Variants in LSM14A observed in about 807,000 individuals in gnomAD.
The protein encoded by LSM14A is LSM14A mRNA processing body assembly factor.
LSM14A carries 14 observed loss-of-function variants against 52.4 expected under a neutral mutation model. The ratio of observed to expected loss-of-function variants is 0.27; its 90% CI spans 0.18 to 0.42. LSM14A has a LOEUF of 0.42. Ranked by LOEUF, LSM14A falls within the 10% of genes least tolerant of loss-of-function variation. LSM14A has a pLI of 1.00. For missense variants in LSM14A, 417 were observed against 581.8 expected, an observed-to-expected ratio of 0.72 and a Z score of 2.91; for synonymous variants, 185 against 200.3, an observed-to-expected ratio of 0.92 and a Z score of 0.64.
Position 34,219,377 on chromosome 19 carries a change from C to G in LSM14A, c.782-14C>G. The G allele has an allele frequency of 6.3e-7, 1 of 1,591,092 alleles. No homozygotes were observed. The highest frequency in any genetic ancestry group is 8.6e-7 in the Non-Finnish European group (1 of 1,167,824). On this transcript the variant is annotated splice_polypyrimidine_tract_variant and intron_variant, in intron 6 of 9. Coordinates refer to ENST00000544216, the MANE Select transcript of LSM14A (RefSeq NM_015578.4). Reference sequence around the variant, plus strand: ...ATATTGAATGTCCTTTGTATATATTCTTTATTATCATAGCTCCAGGTGCTC... The same window carrying G: ...ATATTGAATGTCCTTTGTATATATTGTTTATTATCATAGCTCCAGGTGCTC...
rs370406890 is a variant in LSM14A, at chr19:34,215,237, G to A, written c.652G>A (p.Val218Ile). 5 of 1,614,092 alleles carry A rather than the reference G, an allele frequency of 3.1e-6. No homozygotes were observed. The highest frequency in any genetic ancestry group is 1.3e-5 in the African/African-American group (1 of 74,950). The change falls in exon 5 of 10, where the codon GTA becomes ATA. Residue 218 changes from valine (V) to isoleucine (I), a missense_variant. Val to Ile is a conservative substitution (Grantham distance 29). Coordinates refer to ENST00000544216, the MANE Select transcript of LSM14A (RefSeq NM_015578.4). The stretch of plus-strand genomic sequence containing the variant: ...AGCAGCTGTTGGGAGAAGGAGTCCT[G>A]TATCAACCAGGCCTTTGCCATCTGC... ...APAAVGRRSPVSTRPLPSASQ... is the reference protein window; with the variant it reads ...APAAVGRRSPISTRPLPSASQ...
At chr19:34,175,854 C>T (rs1053176660) in intron 1 of LSM14A, among the ~76,000 whole-genome samples, 1 of 146,152 alleles carries the variant, frequency 6.8e-6, no homozygotes, top group Non-Finnish European at 1.5e-5. Context: ...GTTTTGTTTT[C>T]GTTTTTTTTT....
chr19:34,215,054 T>A, intron 4 of LSM14A, 70 bp from the exon 5 acceptor site: 1 of 1,262,352 alleles, frequency 7.9e-7, no homozygotes, highest in Non-Finnish European at 1.1e-6. Flanking sequence ...CTCTGGACAA[T>A]TTTTTTTAGG....
At chr19:34,188,479 AATTAACCATT>A (rs2070101420) in intron 1 of LSM14A, among the ~76,000 whole-genome samples, 2 of 152,180 alleles carry the variant, frequency 1.3e-5, no homozygotes, top group Admixed American at 1.3e-4. Flanking sequence ...CATTACATGC[AATTAACCATT>A]ATATTGTGTA....
At chr19:34,198,449 A>G (rs995652433) in intron 3 of LSM14A, among the ~76,000 whole-genome samples, 33 of 151,802 alleles carry the variant, frequency 2.2e-4, no homozygotes, top group Admixed American at 1.8e-3. Flanking sequence ...CCCCATCTCT[A>G]CTAAAAATAC....
intron 3 of LSM14A, among the ~76,000 whole-genome samples, chr19:34,203,003 T>G (rs957544734): frequency 6.6e-6 from 1 of 152,132 alleles, no homozygotes; most frequent in Non-Finnish European, 1.5e-5. Flanking sequence ...GTGTAAGAGA[T>G]TAGATCATTA....
chr19:34,225,003 G>C (rs956289122), intron 9 of LSM14A, among the ~76,000 whole-genome samples: 1 of 152,070 alleles, frequency 6.6e-6, no homozygotes, highest in African/African-American at 2.4e-5. Flanking sequence ...GTGGCTATCT[G>C]CTTTCTTTGG....
chr19:34,202,532 A>T (rs958941813), intron 3 of LSM14A, among the ~76,000 whole-genome samples: 1 of 152,064 alleles, frequency 6.6e-6, no homozygotes, highest in Non-Finnish European at 1.5e-5. Context: ...TGAAAAACAT[A>T]CAAATTAAAT....
chr19:34,193,875 A>G (rs914932346), intron 1 of LSM14A, among the ~76,000 whole-genome samples: 18 of 152,220 alleles, frequency 1.2e-4, no homozygotes, highest in Admixed American at 9.8e-4. Context: ...GACATTAAAA[A>G]TAAGTTAACC....
chr19:34,183,555 A>T (rs139753832), intron 1 of LSM14A, among the ~76,000 whole-genome samples: 2,002 of 152,304 alleles, frequency 0.013, 16 homozygotes, highest in South Asian at 0.04. Context: ...TCTCAAAAAA[A>T]AAATAAATAA....
chr19:34,192,316 G>GTTTTTTTTTTTTTTT lies in LSM14A; in HGVS notation c.122-2160_122-2159insTTTTTTTTTTTTTTT, dbSNP rs1306000214. ...TTTACACTGAAATAACATTCTTTTT[G>GTTTTTTTTTTTTTTT]TTGTTTTTTTTTTTTTTTTTTTTTT... is the stretch of plus-strand genomic sequence containing the variant. On this transcript the variant is annotated intron_variant, in intron 1 of 9. Coordinates refer to ENST00000544216, the MANE Select transcript of LSM14A (RefSeq NM_015578.4). Among the ~76,000 whole-genome samples, 45 of 65,776 alleles carry GTTTTTTTTTTTTTTT rather than the reference G, an allele frequency of 6.8e-4. 1 individual carries two copies. The highest frequency in any genetic ancestry group is 8.1e-4 in the Non-Finnish European group (28 of 34,546). 43.2% of individuals were successfully genotyped at this position (65,776 alleles called of 152,430 possible). A position where few individuals can be genotyped will look rare whatever the true frequency, so the allele number is the denominator to read the frequency against.
chr19:34,190,930 A>C (rs1416314221), intron 1 of LSM14A, among the ~76,000 whole-genome samples: 1 of 151,874 alleles, frequency 6.6e-6, no homozygotes, highest in Non-Finnish European at 1.5e-5. Context: ...GCTTTTGATG[A>C]AATTTAGGCC....
At chr19:34,179,370 C>A (rs642587) in intron 1 of LSM14A, among the ~76,000 whole-genome samples, 2 of 152,020 alleles carry the variant, frequency 1.3e-5, no homozygotes, top group South Asian at 2.1e-4. Context: ...AAAATACTTG[C>A]GGGGTGCTTT....
At chr19:34,226,351 C>T (rs2073336654) in intron 9 of LSM14A, 5 of 1,461,690 alleles carry the variant, frequency 3.4e-6, no homozygotes, top group Non-Finnish European at 9.1e-7. Context: ...CTCCTTTCTC[C>T]CTCTCCTGTC....
chr19:34,191,073 A>G (rs1215445002), intron 1 of LSM14A, among the ~76,000 whole-genome samples: 5 of 152,138 alleles, frequency 3.3e-5, no homozygotes, highest in Non-Finnish European at 7.4e-5. Flanking sequence ...TTAATGCTGT[A>G]GTACTTTTTC....
chr19:34,194,566 T>G lies in LSM14A; in HGVS notation c.210T>G (p.Ser70Arg). Reference protein sequence around the residue: ...EVFEYIIFRGSDIKDLTVCEP... With the variant: ...EVFEYIIFRGRDIKDLTVCEP... ...TTGAATACATTATATTCCGTGGGAG[T>G]GACATTAAAGACCTTACTGTTTGTG... The change falls in exon 2 of 10, where the codon AGT becomes AGG. Residue 70 changes from serine to arginine, a missense_variant. Ser to Arg is a moderately radical substitution (Grantham distance 110). This residue lies in a region of LSM14A where 60 missense variants were observed against 124.8 expected (regional missense o/e 0.48). Coordinates refer to ENST00000544216, the MANE Select transcript of LSM14A (RefSeq NM_015578.4). 6.2e-7 allele frequency: 1 copy of G among 1,613,934 alleles called. No individual in the cohort carries two copies. The highest frequency in any genetic ancestry group is 8.5e-7 in the Non-Finnish European group (1 of 1,179,888).
chr19:34,215,526 T>A, intron 5 of LSM14A, 70 bp from the exon 6 acceptor site: 2 of 1,340,644 alleles, frequency 1.5e-6, no homozygotes. Flanking sequence ...TTTGTTTGCA[T>A]TTCTAACTAT....
intron 3 of LSM14A, among the ~76,000 whole-genome samples, chr19:34,198,442 C>T (rs1439380392): frequency 6.6e-6 from 1 of 151,654 alleles, no homozygotes; most frequent in East Asian, 1.9e-4. Flanking sequence ...GGAGAAACCC[C>T]ATCTCTACTA....
rs1568496422 is a variant in LSM14A at position 34,215,647 on chromosome 19, A to G, written c.767A>G (p.Asn256Ser). The change falls in exon 6 of 10, where the codon AAC (asparagine) becomes AGC (serine). Residue 256 changes from asparagine (N) to serine (S), a missense_variant. Asn to Ser is a conservative substitution (Grantham distance 46). Coordinates refer to ENST00000544216, the MANE Select transcript of LSM14A (RefSeq NM_015578.4). ...RPENEQLRND[N>S]KRQVAPGAPS... ...GAAAATGAGCAACTCAGAAATGATAACAAGAGACAAGTAGGTAAGTTCTTG... is the reference window on the plus strand; with the variant it reads ...GAAAATGAGCAACTCAGAAATGATAGCAAGAGACAAGTAGGTAAGTTCTTG... The G allele has an allele frequency of 6.2e-7, 1 of 1,611,988 alleles. No homozygotes were observed. Among genetic ancestry groups the G allele is most frequent in the Non-Finnish European group, 8.5e-7 (1 of 1,178,166 alleles).
Sources: allele counts gnomAD v4.1 joint callset (sites outside exome capture counted in the v4.1 genomes callset), GRCh38; gene constraint gnomAD v4.1.1; regional missense constraint gnomAD v4.1.1; transcripts MANE v1.5; gene names NCBI Gene and HGNC (gene_info 2026-07-23, HGNC 2026-07-21).